Variants in CHSY3 observed in about 807,000 individuals in gnomAD.
CHSY3 encodes chondroitin sulfate synthase 3, also known as N-acetylgalactosaminyl-proteoglycan 3-beta-glucuronosyltransferase 3.
In CHSY3, 35 loss-of-function variants were observed where a neutral mutation model predicts 67.2. The observed-to-expected ratio is 0.52, with a 90% CI of 0.40 to 0.69. The LOEUF (loss-of-function observed/expected upper bound fraction) is 0.69, where lower values mean the gene tolerates loss of function less well. Ranked by LOEUF, CHSY3 falls within the 30% of genes least tolerant of loss-of-function variation. CHSY3 has a pLI of 0.00. For synonymous variants in CHSY3, 474 were observed against 434.7 expected, an observed-to-expected ratio of 1.09 and a Z score of -1.12; for missense variants, 1,069 against 1,138.5, an observed-to-expected ratio of 0.94 and a Z score of 0.88.
intron 2 of CHSY3, among the ~76,000 whole-genome samples, chr5:130,169,228 G>A (rs1278367272): frequency 6.6e-6 from 1 of 152,038 alleles, no homozygotes; most frequent in Non-Finnish European, 1.5e-5. Context: ...CATACTGAGA[G>A]CTGAGATCCA....
At chr5:130,012,245 G>A (rs975745756) in intron 2 of CHSY3, among the ~76,000 whole-genome samples, 4 of 152,132 alleles carry the variant, frequency 2.6e-5, no homozygotes, top group Admixed American at 6.5e-5. Flanking sequence ...TACAAAAATA[G>A]ACACATAGAC....
chr5:129,977,686 A>G (rs1762853429), intron 2 of CHSY3, among the ~76,000 whole-genome samples: 1 of 151,998 alleles, frequency 6.6e-6, no homozygotes, highest in African/African-American at 2.4e-5. Context: ...GGGGAAAATA[A>G]AACAGTAAAA....
chr5:130,092,018 G>A (rs1217753928), intron 2 of CHSY3, among the ~76,000 whole-genome samples: 1 of 152,028 alleles, frequency 6.6e-6, no homozygotes, highest in African/African-American at 2.4e-5. Flanking sequence ...AGCATTTGGG[G>A]GGTCTGTCAG....
chr5:130,057,580 A>G (rs1765575567), intron 2 of CHSY3, among the ~76,000 whole-genome samples: 2 of 152,322 alleles, frequency 1.3e-5, no homozygotes, highest in African/African-American at 4.8e-5. Flanking sequence ...TACTGTTTGT[A>G]GCATTTTTAT....
At chr5:129,966,759 G>A (rs1762479137) in intron 2 of CHSY3, among the ~76,000 whole-genome samples, 1 of 151,718 alleles carries the variant, frequency 6.6e-6, no homozygotes, top group South Asian at 2.1e-4. Flanking sequence ...TACTGTTTGT[G>A]TATCAGTTTT....
chr5:129,970,551 A>G (rs1163804624), intron 2 of CHSY3, among the ~76,000 whole-genome samples: 1 of 151,920 alleles, frequency 6.6e-6, no homozygotes, highest in Non-Finnish European at 1.5e-5. Flanking sequence ...TAAGGAATAG[A>G]TAAAAGTGTA....
At chr5:130,171,303 C>T (rs1446349322) in intron 2 of CHSY3, among the ~76,000 whole-genome samples, 1 of 151,978 alleles carries the variant, frequency 6.6e-6, no homozygotes, top group Non-Finnish European at 1.5e-5. Context: ...CAGTTAAGTT[C>T]AGTTATCATT....
intron 2 of CHSY3, among the ~76,000 whole-genome samples, chr5:130,020,443 ATATATATATATATATATATTT>A (rs1324255034): frequency 2.1e-3 from 16 of 7,736 alleles, no homozygotes; most frequent in African/African-American, 5.7e-3. Flanking sequence ...ATATATATAT[ATATATATATATATATATATTT>A]TTTTTTTTTT....
At chr5:129,951,049 G>A (rs1366327599) in intron 2 of CHSY3, among the ~76,000 whole-genome samples, 1 of 152,056 alleles carries the variant, frequency 6.6e-6, no homozygotes, top group Non-Finnish European at 1.5e-5. Flanking sequence ...CATACACAAA[G>A]ACCAATAGGG....
chr5:129,913,905 G>A (rs1244525327), intron 2 of CHSY3, among the ~76,000 whole-genome samples: 1 of 152,126 alleles, frequency 6.6e-6, no homozygotes, highest in Non-Finnish European at 1.5e-5. Flanking sequence ...GTTTCTTAAA[G>A]TCTGTAAACA....
At chr5:129,908,879 T>C (rs993444070) in intron 2 of CHSY3, among the ~76,000 whole-genome samples, 2 of 152,096 alleles carry the variant, frequency 1.3e-5, no homozygotes, top group Non-Finnish European at 2.9e-5. Flanking sequence ...AAACTAATAG[T>C]GTATCATTTA....
intron 2 of CHSY3, among the ~76,000 whole-genome samples, chr5:130,177,233 G>GTGTA (rs1478305932): frequency 6.6e-6 from 1 of 150,896 alleles, no homozygotes; most frequent in Non-Finnish European, 1.5e-5. Context: ...GTGTGTGTGT[G>GTGTA]TATATATATA....
At chr5:130,095,162 A>G (rs796214986) in intron 2 of CHSY3, among the ~76,000 whole-genome samples, 9 of 152,348 alleles carry the variant, frequency 5.9e-5, no homozygotes, top group African/African-American at 2.2e-4. Context: ...TTACATATGC[A>G]TGAGTTAATA....
At chr5:130,120,499 A>G (rs1324422919) in intron 2 of CHSY3, among the ~76,000 whole-genome samples, 1 of 151,562 alleles carries the variant, frequency 6.6e-6, no homozygotes, top group Non-Finnish European at 1.5e-5. Context: ...AAAAAAAAAA[A>G]AAAAAAAAAG....
At chr5:130,085,825 G>T (rs1438660585) in intron 2 of CHSY3, among the ~76,000 whole-genome samples, 1 of 151,970 alleles carries the variant, frequency 6.6e-6, no homozygotes, top group East Asian at 1.9e-4. Context: ...GTTCTCACTG[G>T]TTTCAAAGAT....
intron 2 of CHSY3, among the ~76,000 whole-genome samples, chr5:129,993,764 T>G (rs1273250100): frequency 6.6e-6 from 1 of 151,978 alleles, no homozygotes; most frequent in East Asian, 1.9e-4. Context: ...TGATGTTAGC[T>G]GGTTATTTTG....
intron 2 of CHSY3, among the ~76,000 whole-genome samples, chr5:130,071,838 C>A (rs1165230864): frequency 2.0e-5 from 3 of 151,972 alleles, no homozygotes; most frequent in East Asian, 1.9e-4. Context: ...GTTCCCTTTT[C>A]TCCACATTCT....
chr5:130,159,903 A>G (rs936989282), intron 2 of CHSY3, among the ~76,000 whole-genome samples: 2 of 152,216 alleles, frequency 1.3e-5, no homozygotes, highest in Admixed American at 1.3e-4. Context: ...CTAATGTGAC[A>G]AAGAATATTT....
At chr5:130,040,283 C>T (rs1378737022) in intron 2 of CHSY3, among the ~76,000 whole-genome samples, 2 of 152,090 alleles carry the variant, frequency 1.3e-5, no homozygotes, top group African/African-American at 4.8e-5. Flanking sequence ...ATTTAGAGTA[C>T]ACCACGTGAA....
Sources: gnomAD v4.1 joint callset for allele counts (sites outside exome capture counted in the v4.1 genomes callset) on GRCh38, gnomAD v4.1.1 for gene constraint, MANE v1.5 for transcripts, NCBI Gene and HGNC (gene_info 2026-07-23, HGNC 2026-07-21) for gene names.